The following PDE4D variants were observed in gnomAD, a reference collection of about 807,000 sequenced individuals.
PDE4D encodes the protein phosphodiesterase 4D.
In PDE4D, 24 loss-of-function variants were observed where a neutral mutation model predicts 87.4. The observed-to-expected ratio is 0.27, with a 90% confidence interval of 0.20 to 0.39. PDE4D has a LOEUF of 0.39. PDE4D is among the 10% of genes least tolerant of loss of function. The probability of loss-of-function intolerance (pLI) is 1.00; values close to 1 mark genes in which losing one functional copy is unlikely to be tolerated. For missense variants in PDE4D, 714 were observed against 1,041.0 expected (o/e 0.69, Z 4.32); for synonymous variants, 384 against 383.2 (o/e 1.00, Z -0.02).
intron 2 of PDE4D, among the ~76,000 whole-genome samples, chr5:60,155,034 T>G (rs1781843154): frequency 1.3e-5 from 2 of 152,204 alleles, no homozygotes; most frequent in African/African-American, 4.8e-5. Flanking sequence ...TTTTGTCTGT[T>G]AATACTGGTG....
rs4435833 is a variant in PDE4D at position 60,074,714 on chromosome 5, T to C, written c.43-85997A>G. Among the ~76,000 whole-genome samples the C allele has an allele frequency of 4.1e-3, 627 of 152,372 alleles. 6 individuals are homozygous for C. The highest frequency in any genetic ancestry group is 0.014 in the African/African-American group (598 of 41,596). On this transcript the variant is annotated intron_variant, in intron 2 of 16. Transcript: ENST00000502484. ...CTGTTGGGTATGTACCTATTTAGGA[T>C]AGTCAGCTTTTCTTGTTGAATTAAA...
In PDE4D at chr5:60,104,246, T is replaced by C. The variant is rs1271071053; in HGVS notation, c.42+81311A>G. Among the ~76,000 whole-genome samples, 8 of 151,964 alleles carry C rather than the reference T, an allele frequency of 5.3e-5. 1 individual carries two copies. Among genetic ancestry groups the C allele is most frequent in the Admixed American group, 5.2e-4 (8 of 15,252 alleles). On this transcript the variant is annotated intron_variant, in intron 2 of 16. Transcript: ENST00000502484. Reference sequence around the variant, plus strand: ...CTTGGAGGGTCCTACGCCCACAGAGTCTCGCTGATTGCTAGCACAGCAGTC... The same window carrying C: ...CTTGGAGGGTCCTACGCCCACAGAGCCTCGCTGATTGCTAGCACAGCAGTC...
chr5:59,681,079 C>G (rs1748917718), intron 1 of PDE4D, among the ~76,000 whole-genome samples: 1 of 152,058 alleles, frequency 6.6e-6, no homozygotes, highest in Non-Finnish European at 1.5e-5. Flanking sequence ...TTTCTAAAAA[C>G]CATTCTTTAC....
At chr5:60,130,382 T>A (rs1348383750) in intron 2 of PDE4D, among the ~76,000 whole-genome samples, 2 of 152,140 alleles carry the variant, frequency 1.3e-5, no homozygotes, top group African/African-American at 4.8e-5. Flanking sequence ...TCAGGCAAGT[T>A]CAAAGGACAT....
chr5:60,303,742 G>A (rs945063939), intron 1 of PDE4D, among the ~76,000 whole-genome samples: 3 of 152,160 alleles, frequency 2.0e-5, no homozygotes, highest in African/African-American at 7.2e-5. Context: ...AGTCAGTGCT[G>A]TATGGCAATG....
intron 5 of PDE4D, among the ~76,000 whole-genome samples, chr5:59,150,238 G>C (rs1409170945): frequency 2.0e-5 from 3 of 152,124 alleles, no homozygotes; most frequent in Non-Finnish European, 4.4e-5. Flanking sequence ...CTCTGCAGTA[G>C]TATCACTGCA....
chr5:60,356,379 G>A (rs918341540), intron 1 of PDE4D, among the ~76,000 whole-genome samples: 4 of 152,252 alleles, frequency 2.6e-5, no homozygotes, highest in African/African-American at 9.6e-5. Flanking sequence ...AATACCATTT[G>A]CCTTACTCCT....
intron 2 of PDE4D, among the ~76,000 whole-genome samples, chr5:60,057,988 T>C (rs184215606): frequency 1.3e-5 from 2 of 152,110 alleles, no homozygotes; most frequent in African/African-American, 4.8e-5. Context: ...ATTCTCTAAA[T>C]CTTCTGCTTT....
At chr5:60,161,433 T>C (rs1345072262) in intron 2 of PDE4D, among the ~76,000 whole-genome samples, 1 of 152,074 alleles carries the variant, frequency 6.6e-6, no homozygotes, top group Non-Finnish European at 1.5e-5. Flanking sequence ...TAAAAGGAAG[T>C]CTATTTTACC....
chr5:59,029,270 A>G (rs1252873984), intron 6 of PDE4D, among the ~76,000 whole-genome samples: 2 of 133,484 alleles, frequency 1.5e-5, no homozygotes, highest in Non-Finnish European at 3.3e-5. Flanking sequence ...AAAAAAAAAA[A>G]GGCAGGTGTG....
chr5:58,983,130 T>A (rs945678324), intron 11 of PDE4D, among the ~76,000 whole-genome samples: 1 of 152,132 alleles, frequency 6.6e-6, no homozygotes, highest in Non-Finnish European at 1.5e-5. Flanking sequence ...CTGGAAAGAC[T>A]CCCCTTCACC....
At chr5:59,724,644 A>G (rs1367644425) in intron 1 of PDE4D, among the ~76,000 whole-genome samples, 3 of 152,110 alleles carry the variant, frequency 2.0e-5, no homozygotes, top group Non-Finnish European at 4.4e-5. Flanking sequence ...TTGTCCACAG[A>G]TGTCCTCCCT....
chr5:59,379,691 A>G (rs1785397775), intron 1 of PDE4D, among the ~76,000 whole-genome samples: 1 of 152,116 alleles, frequency 6.6e-6, no homozygotes, highest in Non-Finnish European at 1.5e-5. Context: ...TGTGAAATAC[A>G]TAGAATATAC....
At chr5:59,607,842 A>C (rs546569547) in intron 1 of PDE4D, among the ~76,000 whole-genome samples, 2 of 152,234 alleles carry the variant, frequency 1.3e-5, no homozygotes, top group East Asian at 1.9e-4. Flanking sequence ...TACACTGCAC[A>C]GTTTGTCTGA....
intron 1 of PDE4D, among the ~76,000 whole-genome samples, chr5:60,256,425 T>A (rs141688317): frequency 6.4e-4 from 98 of 152,130 alleles, no homozygotes; most frequent in African/African-American, 2.2e-3. Flanking sequence ...TTTTATTTTA[T>A]AAATCCTTAA....
chr5:59,307,878 T>C (rs1420502858), intron 1 of PDE4D, among the ~76,000 whole-genome samples: 1 of 152,006 alleles, frequency 6.6e-6, no homozygotes, highest in Non-Finnish European at 1.5e-5. Flanking sequence ...CCCAAAGGAC[T>C]ATAAATCATG....
intron 2 of PDE4D, among the ~76,000 whole-genome samples, chr5:60,178,173 T>C (rs531203959): frequency 2.6e-4 from 39 of 152,166 alleles, no homozygotes; most frequent in Non-Finnish European, 4.9e-4. Flanking sequence ...TAGAAAACCC[T>C]GTCAGAAAGT....
intron 1 of PDE4D, among the ~76,000 whole-genome samples, chr5:59,411,637 T>C (rs1367128117): frequency 6.6e-6 from 1 of 152,078 alleles, no homozygotes; most frequent in Non-Finnish European, 1.5e-5. Flanking sequence ...GAGTCCAAAT[T>C]CCCTCCCTTT....
At chr5:59,936,703 T>C (rs547819141) in intron 3 of PDE4D, among the ~76,000 whole-genome samples, 2 of 152,304 alleles carry the variant, frequency 1.3e-5, no homozygotes, top group African/African-American at 4.8e-5. Flanking sequence ...CAATCCTATA[T>C]TGTTATTTTA....
Sources: gnomAD v4.1 joint callset for allele counts (sites outside exome capture counted in the v4.1 genomes callset) on GRCh38, gnomAD v4.1.1 for gene constraint, MANE v1.5 for transcripts, NCBI Gene and HGNC (gene_info 2026-07-23, HGNC 2026-07-21) for gene names.